Variants in RPRD2 observed in about 807,000 individuals in gnomAD.
RPRD2 encodes regulation of nuclear pre-mRNA domain containing 2.
A neutral mutation model predicts 104.4 loss-of-function variants in RPRD2; 12 were observed. The observed-to-expected ratio is 0.11, with a 90% CI of 0.07 to 0.19. The LOEUF is 0.19. Ranked by LOEUF, RPRD2 falls within the 10% of genes least tolerant of loss-of-function variation. The pLI, the probability that RPRD2 is intolerant of heterozygous loss-of-function variation, is 1.00. For synonymous variants in RPRD2, 714 were observed against 684.9 expected, an observed-to-expected ratio of 1.04 and a Z score of -0.66; for missense variants, 1,543 against 1,790.1, an observed-to-expected ratio of 0.86 and a Z score of 2.49.
chr1:150,387,220 T>C (rs1553881990), intron 1 of RPRD2, among the ~76,000 whole-genome samples: 1 of 152,124 alleles, frequency 6.6e-6, no homozygotes, highest in Non-Finnish European at 1.5e-5. Context: ...AGTTCAAACT[T>C]GTGTTGTTCA....
Position 150,471,616 on chromosome 1 carries a change from C to T in RPRD2, c.2668C>T (p.Pro890Ser), listed in dbSNP as rs778953755. ...AQEFGVKSAF[P>S]PSVRALLDSS... is the part of the protein sequence containing the mutation. ...AGAATTTGGGGTAAAGTCTGCCTTC[C>T]CTCCATCTGTAAGGGCCCTCCTGGA... The change falls in exon 11 of 11, where the codon CCT (proline) becomes TCT (serine). Residue 890 changes from proline (P) to serine (S), a missense_variant. Around this residue, in one of 4 missense-constraint regions of RPRD2, gnomAD observed 880 missense variants for 885.6 expected, o/e 0.99. Transcript: ENST00000369068. The surrounding 1 kb of genome is among the most constrained non-coding windows in gnomAD (Gnocchi z 5.3). 6.2e-6 allele frequency: 10 copies of T among 1,613,730 alleles called. No homozygotes were observed. Among genetic ancestry groups the T allele is most frequent in the Middle Eastern group, 1.6e-4 (1 of 6,062 alleles).
At chr1:150,415,978 T>A (rs1664303808) in intron 1 of RPRD2, among the ~76,000 whole-genome samples, 1 of 152,182 alleles carries the variant, frequency 6.6e-6, no homozygotes, top group Non-Finnish European at 1.5e-5. Context: ...TGGTTAAAAT[T>A]TGAAATAGTT....
chr1:150,383,306 G>GGTTTTTTTT lies in RPRD2; in HGVS notation c.205+18387_205+18388insGTTTTTTTT, dbSNP rs1553881150. Among the ~76,000 whole-genome samples, 2 of 126,740 alleles carry GGTTTTTTTT rather than the reference G, an allele frequency of 1.6e-5. 1 individual carries two copies. 83.1% of individuals were successfully genotyped at this position (126,740 alleles called of 152,430 possible). A position where few individuals can be genotyped will look rare whatever the true frequency, so the allele number is the denominator to read the frequency against. On this transcript the variant is annotated intron_variant, in intron 1 of 10. Transcript: ENST00000369068. ...CACGAGACCTGGCCTCAAATAAGAGGTTTTTTTTTTTTTTTTTTTTGGTGA... is the reference window on the plus strand; with the variant it reads ...CACGAGACCTGGCCTCAAATAAGAGGGTTTTTTTTTTTTTTTTTTTTTTTTTTTTGGTGA...
chr1:150,454,975 G>A (rs936113989), intron 7 of RPRD2, among the ~76,000 whole-genome samples: 5 of 152,158 alleles, frequency 3.3e-5, no homozygotes, highest in Non-Finnish European at 4.4e-5. Flanking sequence ...AAGACTATCA[G>A]GACATCAATA....
chr1:150,437,636 G>A (rs1045564623), intron 2 of RPRD2, among the ~76,000 whole-genome samples: 1 of 152,050 alleles, frequency 6.6e-6, no homozygotes, highest in Non-Finnish European at 1.5e-5. Flanking sequence ...CTGGAGTGCA[G>A]TGGTGTTGTC....
At chr1:150,438,313 T>C (rs988730944) in intron 2 of RPRD2, among the ~76,000 whole-genome samples, 8 of 148,876 alleles carry the variant, frequency 5.4e-5, no homozygotes, top group Middle Eastern at 3.9e-3. Flanking sequence ...AAAAAAGTCA[T>C]GCGTTGCTTA....
At chr1:150,395,336 A>G (rs1250320217) in intron 1 of RPRD2, among the ~76,000 whole-genome samples, 5 of 148,406 alleles carry the variant, frequency 3.4e-5, no homozygotes, top group Non-Finnish European at 7.4e-5. Flanking sequence ...CAATTAATTC[A>G]TTCCTTTTCA....
chr1:150,460,863 C>CT (rs782391286), intron 9 of RPRD2, among the ~76,000 whole-genome samples: 5 of 150,310 alleles, frequency 3.3e-5, no homozygotes, highest in Admixed American at 6.7e-5. Flanking sequence ...ATAGCTGGGA[C>CT]TACAGGCATG....
Position 150,471,457 on chromosome 1 carries a change from G to A in RPRD2, c.2509G>A (p.Glu837Lys). Residue 837 changes from glutamate (E) to lysine (K), a missense_variant, in exon 11 of 11, where the codon GAG becomes AAG. Physicochemically the swap from Glu to Lys is moderately conservative, Grantham distance 56. This residue lies in a region of RPRD2 where 880 missense variants were observed against 885.6 expected (regional missense o/e 0.99). Coordinates refer to ENST00000369068, the MANE Select transcript of RPRD2 (RefSeq NM_015203.5). This position sits in a 1 kb window ranked among gnomAD's most constrained non-coding sequence, Gnocchi z 5.3. ...AGAAGATGAGGATTACCGAGATTTT[G>A]AGTATTCAGGGCCTCCACCCTCTGC... The part of the protein sequence containing the change: ...FQEDEDYRDF[E>K]YSGPPPSAMM... 1 of 1,613,890 alleles carries A rather than the reference G, an allele frequency of 6.2e-7. No homozygotes were observed. Among genetic ancestry groups the A allele is most frequent in the Non-Finnish European group, 8.5e-7 (1 of 1,179,862 alleles).
At chr1:150,428,044 T>G (rs1665281712) in intron 2 of RPRD2, among the ~76,000 whole-genome samples, 1 of 152,148 alleles carries the variant, frequency 6.6e-6, no homozygotes, top group Non-Finnish European at 1.5e-5. Context: ...ATTAAACTTC[T>G]GCATTACAAA....
At chr1:150,403,968 G>C (rs1418127525) in intron 1 of RPRD2, among the ~76,000 whole-genome samples, 1 of 152,036 alleles carries the variant, frequency 6.6e-6, no homozygotes, top group African/African-American at 2.4e-5. Flanking sequence ...AAAGCTTACT[G>C]TAGGTCTAGA....
intron 10 of RPRD2, among the ~76,000 whole-genome samples, chr1:150,466,343 A>G (rs1233801920): frequency 6.9e-6 from 1 of 144,972 alleles, no homozygotes; most frequent in Admixed American, 7.3e-5. Flanking sequence ...GCCCCACTAC[A>G]CTCCAGCCTG....
At position 150,404,627 on chromosome 1, in the gene RPRD2, T is replaced by C. The variant is rs587640043; in HGVS notation, c.206-12969T>C. On this transcript the variant is annotated intron_variant, in intron 1 of 10. Transcript: ENST00000369068. ...GATCTCATCCAAATAAAAAAAAATTTTTTTTGAAATGGGGTCTCCCTATGT... is the reference window on the plus strand; with the variant it reads ...GATCTCATCCAAATAAAAAAAAATTCTTTTTGAAATGGGGTCTCCCTATGT... Among the ~76,000 whole-genome samples, 216 of 152,242 alleles carry C rather than the reference T, an allele frequency of 1.4e-3. 1 individual carries two copies. Among genetic ancestry groups the C allele is most frequent in the Admixed American group, 2.4e-3 (37 of 15,262 alleles).
chr1:150,453,855 T>C (rs587741674), intron 7 of RPRD2, among the ~76,000 whole-genome samples: 1 of 152,336 alleles, frequency 6.6e-6, no homozygotes, highest in South Asian at 2.1e-4. Context: ...CTTGTTTTGC[T>C]AGGCAGATAT....
intron 7 of RPRD2, among the ~76,000 whole-genome samples, chr1:150,453,646 A>G (rs1667342357): frequency 6.6e-6 from 1 of 152,104 alleles, no homozygotes; most frequent in Non-Finnish European, 1.5e-5. Flanking sequence ...TTCACCTGTT[A>G]CGGGTATGTT....
intron 1 of RPRD2, among the ~76,000 whole-genome samples, chr1:150,387,237 ATCTG>A (rs1553881994): frequency 6.6e-6 from 1 of 152,172 alleles, no homozygotes; most frequent in Non-Finnish European, 1.5e-5. Context: ...TTCAAGGGTC[ATCTG>A]TCTAAGCATA....
At chr1:150,373,386 A>G (rs1560144986) in intron 1 of RPRD2, among the ~76,000 whole-genome samples, 1 of 152,090 alleles carries the variant, frequency 6.6e-6, no homozygotes, top group Non-Finnish European at 1.5e-5. Context: ...ATTGTAATCC[A>G]GTGTAAAATA....
intron 2 of RPRD2, among the ~76,000 whole-genome samples, chr1:150,435,198 G>A (rs1553892870): frequency 6.6e-6 from 1 of 152,160 alleles, no homozygotes; most frequent in African/African-American, 2.4e-5. Context: ...TAAATGTCGT[G>A]TGTTTTCTGA....
intron 10 of RPRD2, among the ~76,000 whole-genome samples, chr1:150,467,373 T>C (rs782352421): frequency 6.6e-6 from 1 of 152,166 alleles, no homozygotes; most frequent in African/African-American, 2.4e-5. Context: ...TTTTTATTTT[T>C]ATTTGTTTGT....
Sources: allele counts gnomAD v4.1 joint callset (sites outside exome capture counted in the v4.1 genomes callset), GRCh38; gene constraint gnomAD v4.1.1; regional missense constraint gnomAD v4.1.1; non-coding constraint Gnocchi (gnomAD v3.1); transcripts MANE v1.5; gene names NCBI Gene and HGNC (gene_info 2026-07-23, HGNC 2026-07-21).